GAS2: variants seen among roughly 807,000 people sequenced by gnomAD.
GAS2 encodes the protein growth arrest specific 2.
In GAS2, 20 loss-of-function variants were observed where a neutral mutation model predicts 37.5. The ratio of observed to expected loss-of-function variants is 0.53; its 90% confidence interval spans 0.37 to 0.77. GAS2 has a LOEUF of 0.77. Ranked by LOEUF, GAS2 falls within the 30% of genes least tolerant of loss-of-function variation. GAS2 has a pLI of 0.00. For synonymous variants in GAS2, 144 were observed against 132.2 expected, an observed-to-expected ratio of 1.09 and a Z score of -0.61; for missense variants, 336 against 373.4, an observed-to-expected ratio of 0.90 and a Z score of 0.82.
At chr11:22,716,787 A>G (rs142881716) in intron 3 of GAS2, among the ~76,000 whole-genome samples, 16 of 152,308 alleles carry the variant, frequency 1.1e-4, no homozygotes, top group African/African-American at 3.6e-4. Context: ...TGATTAATGA[A>G]TTCAGTAAAG....
chr11:22,755,890 G>A lies in GAS2; in HGVS notation c.660G>A (p.Lys220=). The A allele has an allele frequency of 6.2e-7, 1 of 1,613,172 alleles. No individual in the cohort carries two copies. Among genetic ancestry groups the A allele is most frequent in the African/African-American group, 1.3e-5 (1 of 75,004 alleles). ...ATCCTCCTTGCAAATGCCCAAACAA[G>A]TTCTGTGTGGAGCGGCTCTCCCAAG... ...SEDPPCKCPN[K]FCVERLSQGR... Residue 220 remains lysine (K), a synonymous_variant, in exon 7 of 8, where the codon AAG becomes AAA. Coordinates refer to ENST00000454584, the MANE Select transcript of GAS2 (RefSeq NM_001143830.3).
intron 4 of GAS2, among the ~76,000 whole-genome samples, chr11:22,732,675 A>G (rs1852535612): frequency 6.6e-6 from 1 of 151,644 alleles, no homozygotes; most frequent in African/African-American, 2.4e-5. Context: ...GGGAAGCATG[A>G]AAGTTTTTAT....
At chr11:22,651,580 C>T (rs912336719) in intron 1 of GAS2, among the ~76,000 whole-genome samples, 8 of 152,146 alleles carry the variant, frequency 5.3e-5, no homozygotes, top group African/African-American at 1.4e-4. Context: ...TTTGGTCTTT[C>T]CACATAGTCC....
At chr11:22,701,906 A>G (rs2134028669) in intron 3 of GAS2, among the ~76,000 whole-genome samples, 1 of 152,280 alleles carries the variant, frequency 6.6e-6, no homozygotes, top group Middle Eastern at 3.4e-3. Context: ...AAAAGGCATT[A>G]TTTTATTATG....
At chr11:22,752,065 G>C (rs1296709342) in intron 6 of GAS2, among the ~76,000 whole-genome samples, 2 of 151,968 alleles carry the variant, frequency 1.3e-5, no homozygotes, top group African/African-American at 4.8e-5. Context: ...AGAATATTAT[G>C]TTTCACAAGT....
At chr11:22,699,656 T>C (rs1234035457) in intron 3 of GAS2, among the ~76,000 whole-genome samples, 1 of 152,182 alleles carries the variant, frequency 6.6e-6, no homozygotes, top group Non-Finnish European at 1.5e-5. Flanking sequence ...ACTACCTGGG[T>C]TGAAATCATA....
At chr11:22,689,273 A>G (rs1026920847) in intron 3 of GAS2, among the ~76,000 whole-genome samples, 4 of 152,046 alleles carry the variant, frequency 2.6e-5, no homozygotes, top group African/African-American at 9.7e-5. Flanking sequence ...TCCCCTCCGA[A>G]CCTAAAATAA....
intron 1 of GAS2, among the ~76,000 whole-genome samples, chr11:22,670,296 G>T (rs1849148163): frequency 7.5e-6 from 1 of 133,828 alleles, no homozygotes; most frequent in African/African-American, 3.1e-5. Flanking sequence ...GTTCACAGTT[G>T]AGTCTGTGTG....
chr11:22,707,911 C>A (rs1851203496), intron 3 of GAS2, among the ~76,000 whole-genome samples: 1 of 152,002 alleles, frequency 6.6e-6, no homozygotes, highest in Admixed American at 6.6e-5. Context: ...GATGTGTATG[C>A]ATATTAAGTT....
intron 7 of GAS2, among the ~76,000 whole-genome samples, chr11:22,774,883 G>A (rs1359110319): frequency 6.6e-6 from 1 of 151,972 alleles, no homozygotes; most frequent in Non-Finnish European, 1.5e-5. Context: ...AAACAAAGTA[G>A]AAGTGAAAGT....
chr11:22,778,207 GT>G (rs1169287748), intron 7 of GAS2, among the ~76,000 whole-genome samples: 1 of 152,130 alleles, frequency 6.6e-6, no homozygotes, highest in Admixed American at 6.5e-5. Context: ...CCTTGATCAA[GT>G]TATTTAAAAT....
chr11:22,766,856 A>G (rs1854722918), intron 7 of GAS2, among the ~76,000 whole-genome samples: 1 of 152,044 alleles, frequency 6.6e-6, no homozygotes. Flanking sequence ...CTTAATTTCA[A>G]TAGGTATGGA....
chr11:22,741,267 T>G (rs1293905850), intron 5 of GAS2, among the ~76,000 whole-genome samples: 1 of 152,028 alleles, frequency 6.6e-6, no homozygotes, highest in Non-Finnish European at 1.5e-5. Flanking sequence ...TGCTAATATT[T>G]CAGAAAAATA....
upstream of GAS2, among the ~76,000 whole-genome samples, chr11:22,666,166 C>T (rs972843353): frequency 1.3e-5 from 2 of 152,192 alleles, no homozygotes; most frequent in African/African-American, 4.8e-5. Flanking sequence ...CAACATAATG[C>T]TGAGCTGAGG....
intron 7 of GAS2, among the ~76,000 whole-genome samples, chr11:22,803,335 AAATTT>A: frequency 6.6e-6 from 1 of 152,294 alleles, no homozygotes; most frequent in Non-Finnish European, 1.5e-5. Flanking sequence ...TTCTGAAATT[AAATTT>A]AATGTTTATT....
chr11:22,799,521 T>C (rs568469144), intron 7 of GAS2, among the ~76,000 whole-genome samples: 3 of 152,184 alleles, frequency 2.0e-5, no homozygotes, highest in African/African-American at 7.2e-5. Context: ...TGATTCTCAA[T>C]ACAATCTCCC....
intron 1 of GAS2, among the ~76,000 whole-genome samples, chr11:22,652,695 C>T (rs1565067225): frequency 6.6e-6 from 1 of 152,338 alleles, no homozygotes; most frequent in South Asian, 2.1e-4. Flanking sequence ...CAGGTGCCGT[C>T]TGTCACCCCT....
At chr11:22,744,159 C>G (rs1853246638) in intron 5 of GAS2, among the ~76,000 whole-genome samples, 1 of 151,768 alleles carries the variant, frequency 6.6e-6, no homozygotes, top group Non-Finnish European at 1.5e-5. Flanking sequence ...AGCCTACCAC[C>G]ACCACCAACA....
chr11:22,697,321 G>A (rs977973428), intron 3 of GAS2, among the ~76,000 whole-genome samples: 63 of 152,228 alleles, frequency 4.1e-4, no homozygotes, highest in African/African-American at 1.4e-3. Flanking sequence ...TTTGGTACCA[G>A]TACCATGCTG....
Sources: allele counts gnomAD v4.1 joint callset (sites outside exome capture counted in the v4.1 genomes callset), GRCh38; gene constraint gnomAD v4.1.1; transcripts MANE v1.5; gene names NCBI Gene and HGNC (gene_info 2026-07-23, HGNC 2026-07-21).